Variants in MGP observed in about 807,000 individuals in gnomAD.
MGP encodes cell growth-inhibiting gene 36 protein.
MGP carries 13 observed loss-of-function variants against 14.5 expected under a neutral mutation model. That is an observed-to-expected ratio of 0.89 (90% confidence interval 0.58 to 1.42). The LOEUF is 1.42. Among genes scored for constraint, MGP ranks in the 40% most tolerant of loss-of-function variants. The pLI, the probability that MGP is intolerant of heterozygous loss-of-function variation, is 0.00. For missense variants in MGP, 128 were observed against 133.7 expected (o/e 0.96, Z 0.21); for synonymous variants, 44 against 46.3 (o/e 0.95, Z 0.20).
rs1252627174 is a variant in MGP at position 14,882,037 on chromosome 12, C to T, written c.*102G>A. The T allele has an allele frequency of 3.6e-6, 5 of 1,399,778 alleles. No homozygotes were observed. The African/African-American group carries it at 4.3e-5, about 12-fold the overall frequency. 86.7% of individuals were successfully genotyped at this position (1,399,778 alleles called of 1,614,324 possible). A position where few individuals can be genotyped will look rare whatever the true frequency, so the allele number is the denominator to read the frequency against. On this transcript the variant is annotated 3_prime_UTR_variant, in exon 4 of 4. Coordinates refer to ENST00000539261, the MANE Select transcript of MGP (RefSeq NM_000900.5). ...GACAAGAGAATATACAGGAAAGAAGCATTGTATATAAGCCTATGTATTTCT... is the reference window on the plus strand; with the variant it reads ...GACAAGAGAATATACAGGAAAGAAGTATTGTATATAAGCCTATGTATTTCT...
At chr12:14,885,710 A>C (rs753699492) in intron 1 of MGP, 21 bp downstream of exon 1, 2 of 1,606,466 alleles carry the variant, frequency 1.2e-6, no homozygotes, top group Non-Finnish European at 1.7e-6. Context: ...AACACAGAGA[A>C]ATGGGAGAAA....
In MGP at chr12:14,882,029, G is replaced by C. The variant is rs994885113; in HGVS notation, c.*110C>G. 3.6e-6 allele frequency: 5 copies of C among 1,373,926 alleles called. No individual in the cohort carries two copies. In the African/African-American group the frequency reaches 7.2e-5, roughly 20 times the overall value. The allele number at this position is 1,373,926 out of a possible 1,614,324, so 85.1% of individuals were successfully genotyped here. On this transcript the variant is annotated 3_prime_UTR_variant, in exon 4 of 4. Transcript: ENST00000539261. ...TGCAGCCAGACAAGAGAATATACAG[G>C]AAAGAAGCATTGTATATAAGCCTAT...
At chr12:14,884,275 T>A (rs547412626) in intron 1 of MGP, 30 bp from the exon 2 acceptor site, 27 of 1,263,798 alleles carry the variant, frequency 2.1e-5, no homozygotes, top group Non-Finnish European at 3.0e-5. Flanking sequence ...ATTCATTATA[T>A]CAATATTTAT....
rs370999228 is a variant in MGP at position 14,882,193 on chromosome 12, A to C, written c.258T>G (p.Tyr86Ter). 3 of 1,614,006 alleles carry C rather than the reference A, an allele frequency of 1.9e-6. No individual in the cohort carries two copies. Among genetic ancestry groups the C allele is most frequent in the African/African-American group, 2.7e-5 (2 of 74,906 alleles). Reference sequence around the variant, plus strand: ...AGCGATTATAGGCAGCATTGTATCCATAAACCATGGCGTAGCGTTCGCAAA... The same window carrying C: ...AGCGATTATAGGCAGCATTGTATCCCTAAACCATGGCGTAGCGTTCGCAAA... ...YRLCERYAMV[Y>*]GYNAAYNRYF... Residue 86 changes from tyrosine to a stop codon, truncating the protein, a stop_gained, in exon 4 of 4, where the codon TAT (tyrosine) becomes TAG (stop). Transcript: ENST00000539261. LOFTEE classifies it high-confidence loss of function.
Position 14,882,063 on chromosome 12 carries a change from G to T in MGP, c.*76C>A. On this transcript the variant is annotated 3_prime_UTR_variant, in exon 4 of 4. Coordinates refer to ENST00000539261, the MANE Select transcript of MGP (RefSeq NM_000900.5). Reference sequence around the variant, plus strand: ...ATTGTATATAAGCCTATGTATTTCTGTAATGCTGCTACAGGGGGATACAAA... The same window carrying T: ...ATTGTATATAAGCCTATGTATTTCTTTAATGCTGCTACAGGGGGATACAAA... 6.4e-7 allele frequency: 1 copy of T among 1,552,636 alleles called. No homozygotes were observed. Among genetic ancestry groups the T allele is most frequent in the Non-Finnish European group, 8.9e-7 (1 of 1,124,870 alleles).
chr12:14,884,174 T>C (rs755997820), intron 2 of MGP, 39 bp downstream of exon 2: 13 of 1,414,972 alleles, frequency 9.2e-6, no homozygotes, highest in African/African-American at 2.8e-5. Flanking sequence ...GGTTCTTTAA[T>C]GCAAGGGATT....
chr12:14,885,176 T>G (rs1020024092), intron 1 of MGP, among the ~76,000 whole-genome samples: 1 of 152,222 alleles, frequency 6.6e-6, no homozygotes, highest in Admixed American at 6.5e-5. Flanking sequence ...TAATGACATA[T>G]AGAAAACAGG....
intron 1 of MGP, among the ~76,000 whole-genome samples, chr12:14,885,469 A>C (rs1863428067): frequency 6.6e-6 from 1 of 152,244 alleles, no homozygotes; most frequent in African/African-American, 2.4e-5. Flanking sequence ...TCTTTCTGAA[A>C]TATGAGTTTC....
intron 1 of MGP, chr12:14,884,670 A>C (rs1231728171): frequency 5.0e-6 from 3 of 596,278 alleles, no homozygotes; most frequent in Non-Finnish European, 8.5e-6. Flanking sequence ...GAAGACAGCC[A>C]GGTTTCTCCA....
chr12:14,884,972 G>T, intron 1 of MGP: 2 of 1,232,224 alleles, frequency 1.6e-6, no homozygotes, highest in Non-Finnish European at 1.1e-6. Flanking sequence ...TTAAAAAGGA[G>T]GTGAAGAAAT....
rs754870514 is a variant in MGP at position 14,882,344 on chromosome 12, AG to A, written c.171-65del. On this transcript the variant is annotated intron_variant, in intron 3 of 3. Transcript: ENST00000539261. ...AAGTGGAAAAATACAAAAATGGAAA[AG>A]AAGAAGAAAATATTGGAGAGACTTT... The A allele has an allele frequency of 5.7e-3, 8,916 of 1,573,390 alleles. 191 individuals carry two copies. Among genetic ancestry groups the A allele is most frequent in the South Asian group, 0.039 (3,521 of 90,184 alleles).
In MGP at chr12:14,882,048, A is replaced by G; in HGVS notation, c.*91T>C. ...ATACAGGAAAGAAGCATTGTATATA[A>G]GCCTATGTATTTCTGTAATGCTGCT... is the stretch of plus-strand genomic sequence containing the variant. On this transcript the variant is annotated 3_prime_UTR_variant, in exon 4 of 4. Coordinates refer to ENST00000539261, the MANE Select transcript of MGP (RefSeq NM_000900.5). The G allele has an allele frequency of 6.8e-7, 1 of 1,472,078 alleles. No homozygotes were observed. 91.2% of individuals were successfully genotyped at this position (1,472,078 alleles called of 1,614,324 possible).
chr12:14,882,859 A>G (rs1863395770), intron 3 of MGP, 113 bp downstream of exon 3: 1 of 745,674 alleles, frequency 1.3e-6, no homozygotes, highest in Admixed American at 2.1e-5. Context: ...TTTTGATTTT[A>G]AAGATACAAT....
chr12:14,885,718 A>G lies in MGP; in HGVS notation c.61+13T>C, dbSNP rs1428283138. 1.2e-6 allele frequency: 2 copies of G among 1,610,952 alleles called. No individual in the cohort carries two copies. The highest frequency in any genetic ancestry group is 2.2e-5 in the South Asian group (2 of 90,852). On this transcript the variant is annotated intron_variant, in intron 1 of 3. Coordinates refer to ENST00000539261, the MANE Select transcript of MGP (RefSeq NM_000900.5). ...AAAAGTAAACACAGAGAAATGGGAG[A>G]AAAGTTTCTCACCATAACACAAAGT... is the stretch of plus-strand genomic sequence containing the variant.
intron 1 of MGP, 100 bp from the exon 2 acceptor site, chr12:14,884,345 A>T (rs1276129559): frequency 6.3e-6 from 5 of 792,620 alleles, no homozygotes; most frequent in African/African-American, 1.7e-5. Flanking sequence ...AAATACAGGG[A>T]TGGAAGAAGA....
At chr12:14,882,672 C>T (rs1221538282) in intron 3 of MGP, among the ~76,000 whole-genome samples, 2 of 149,038 alleles carry the variant, frequency 1.3e-5, no homozygotes, top group Non-Finnish European at 3.0e-5. Context: ...AACCAACCAA[C>T]CAACCAAAAA....
chr12:14,883,131 T>G, intron 2 of MGP, 84 bp from the exon 3 acceptor site: 2 of 1,095,850 alleles, frequency 1.8e-6, no homozygotes, highest in Non-Finnish European at 2.8e-6. Flanking sequence ...ACAAATATAT[T>G]TGAAAGTGCC....
chr12:14,881,994 G>A lies in MGP; in HGVS notation c.*145C>T, dbSNP rs12313970. On this transcript the variant is annotated 3_prime_UTR_variant, in exon 4 of 4. Coordinates refer to ENST00000539261, the MANE Select transcript of MGP (RefSeq NM_000900.5). The stretch of plus-strand genomic sequence containing the variant: ...TCATTACTTATCAATCTGGGGGCGG[G>A]AAAAAGGGGTGCAGCCAGACAAGAG... The A allele has an allele frequency of 1.9e-6, 2 of 1,052,856 alleles. No individual in the cohort carries two copies. The highest frequency in any genetic ancestry group is 1.3e-5 in the South Asian group (1 of 74,176). The allele number at this position is 1,052,856 out of a possible 1,614,324, so 65.2% of individuals were successfully genotyped here.
intron 3 of MGP, 104 bp downstream of exon 3, chr12:14,882,868 A>G (rs1035154817): frequency 1.3e-6 from 1 of 774,476 alleles, no homozygotes; most frequent in Non-Finnish European, 2.3e-6. Context: ...TAAAGATACA[A>G]TTAGAAATAA....
Sources: allele counts gnomAD v4.1 joint callset (sites outside exome capture counted in the v4.1 genomes callset), GRCh38; gene constraint gnomAD v4.1.1; transcripts MANE v1.5; gene names NCBI Gene and HGNC (gene_info 2026-07-23, HGNC 2026-07-21).